The following PARP4 variants were observed in gnomAD, a reference collection of about 807,000 sequenced individuals.
PARP4 encodes the protein poly(ADP-ribose) polymerase family member 4, also known as protein mono-ADP-ribosyltransferase PARP4.
PARP4 carries 120 observed loss-of-function variants against 187.7 expected under a neutral mutation model. That is an observed-to-expected ratio of 0.64 (90% confidence interval 0.55 to 0.74). The LOEUF is 0.74. Ranked by LOEUF, PARP4 falls within the 30% of genes least tolerant of loss-of-function variation. The probability of loss-of-function intolerance (pLI) is 0.00; values close to 1 mark genes in which losing one functional copy is unlikely to be tolerated. For missense variants in PARP4, 1,836 were observed against 2,070.5 expected, an observed-to-expected ratio of 0.89 and a Z score of 2.20; for synonymous variants, 654 against 740.9, an observed-to-expected ratio of 0.88 and a Z score of 1.90.
chr13:24,435,381 G>C lies in PARP4; in HGVS notation c.3760C>G (p.Gln1254Glu). 1 of 1,612,290 alleles carries C rather than the reference G, an allele frequency of 6.2e-7. No individual in the cohort carries two copies. The highest frequency in any genetic ancestry group is 8.5e-7 in the Non-Finnish European group (1 of 1,179,826). Reference protein sequence around the residue: ...PFSKRKMELSQPEVSEDFEED... With the variant: ...PFSKRKMELSEPEVSEDFEED... ...TCAAAATCTTCAGAAACTTCTGGCTGAGATAATTCCATTTTTCTTTTGGAA... is the reference window on the plus strand; with the variant it reads ...TCAAAATCTTCAGAAACTTCTGGCTCAGATAATTCCATTTTTCTTTTGGAA... The change falls in exon 31 of 34, where the codon CAG becomes GAG. Residue 1254 changes from glutamine (Q) to glutamate (E), a missense_variant. Transcript: ENST00000381989.
intron 32 of PARP4, among the ~76,000 whole-genome samples, chr13:24,427,977 G>A (rs6490918): frequency 0.59 from 89,727 of 151,822 alleles, 26,624 homozygotes; most frequent in South Asian, 0.66. Flanking sequence ...ATGTGTATCA[G>A]CGTCATTTAA....
At chr13:24,493,460 A>C in intron 8 of PARP4, 136 bp downstream of exon 8, 1 of 752,130 alleles carries the variant, frequency 1.3e-6, no homozygotes, top group Non-Finnish European at 2.1e-6. Context: ...TTTCTTCAGT[A>C]CCGGTACAAG....
intron 15 of PARP4, among the ~76,000 whole-genome samples, chr13:24,471,390 T>G (rs1444115459): frequency 6.6e-6 from 1 of 152,180 alleles, no homozygotes. Context: ...CATATCACAC[T>G]GTGTGGCTGG....
intron 30 of PARP4, among the ~76,000 whole-genome samples, chr13:24,439,797 G>A (rs2137449455): frequency 6.6e-6 from 1 of 152,154 alleles, no homozygotes; most frequent in African/African-American, 2.4e-5. Flanking sequence ...CCAAAACAAT[G>A]CACTCCAAGG....
chr13:24,506,130 G>A (rs375030946), intron 1 of PARP4, among the ~76,000 whole-genome samples: 3 of 152,262 alleles, frequency 2.0e-5, no homozygotes, highest in African/African-American at 7.2e-5. Context: ...TCTTAAAGGC[G>A]GCGCGTCCGA....
intron 14 of PARP4, among the ~76,000 whole-genome samples, chr13:24,477,329 C>T (rs977024259): frequency 7.9e-5 from 12 of 151,730 alleles, no homozygotes; most frequent in African/African-American, 2.4e-4. Context: ...AAAAAAGTCA[C>T]GGATGGTAGT....
Position 24,434,967 on chromosome 13 carries a change from G to A in PARP4, c.4174C>T (p.Pro1392Ser), listed in dbSNP as rs749317586. Residue 1392 changes from proline (P) to serine (S), a missense_variant, in exon 31 of 34, where the codon CCT becomes TCT. By Grantham distance (74) the Pro-to-Ser change is moderately conservative. Transcript: ENST00000381989. Reference protein sequence around the residue: ...SCPTGPPQNPPSSPYCGIVFS... With the variant: ...SCPTGPPQNPSSSPYCGIVFS... ...ACAATGCCACAATAGGGTGAAGAAG[G>A]TGGGTTCTGGGGAGGTCCTGTGGGA... 3 of 1,613,940 alleles carry A rather than the reference G, an allele frequency of 1.9e-6. No homozygotes were observed. Among genetic ancestry groups the A allele is most frequent in the Non-Finnish European group, 2.5e-6 (3 of 1,179,950 alleles).
chr13:24,506,927 G>A (rs1057166758), intron 1 of PARP4, among the ~76,000 whole-genome samples: 2 of 152,206 alleles, frequency 1.3e-5, no homozygotes, highest in South Asian at 2.1e-4. Flanking sequence ...AGACATGGCG[G>A]GCTGCAGGTC....
intron 16 of PARP4, 82 bp from the exon 17 acceptor site, chr13:24,469,192 TAA>T: frequency 1.0e-6 from 1 of 977,370 alleles, no homozygotes; most frequent in Non-Finnish European, 1.6e-6. Context: ...CAATGTTTAC[TAA>T]AACCCAGGCA....
intron 1 of PARP4, among the ~76,000 whole-genome samples, chr13:24,506,864 C>T (rs1210121516): frequency 2.6e-5 from 4 of 152,224 alleles, no homozygotes; most frequent in East Asian, 1.9e-4. Context: ...GCGCCGGCCG[C>T]GCTCCTGCGG....
chr13:24,441,074 T>C (rs1394597737), intron 30 of PARP4, among the ~76,000 whole-genome samples: 1 of 152,112 alleles, frequency 6.6e-6, no homozygotes, highest in Non-Finnish European at 1.5e-5. Context: ...GGTTTCACCA[T>C]GTTGCCCAGG....
intron 30 of PARP4, among the ~76,000 whole-genome samples, chr13:24,436,620 G>C (rs768684423): frequency 2.6e-5 from 4 of 152,154 alleles, no homozygotes; most frequent in Non-Finnish European, 5.9e-5. Flanking sequence ...AAGCTTTCAA[G>C]TAATTAAATG....
intron 4 of PARP4, among the ~76,000 whole-genome samples, chr13:24,500,038 GT>G (rs35514164): frequency 1.3e-5 from 2 of 148,156 alleles, no homozygotes; most frequent in African/African-American, 5.0e-5. Flanking sequence ...ATGAAAATAG[GT>G]TTTTTTTTAA....
At chr13:24,506,531 T>C (rs1869695329) in intron 1 of PARP4, among the ~76,000 whole-genome samples, 1 of 152,098 alleles carries the variant, frequency 6.6e-6, no homozygotes, top group African/African-American at 2.4e-5. Context: ...TGATTGGTGT[T>C]TACAATCCCT....
chr13:24,472,216 C>T (rs1483062212), intron 15 of PARP4, among the ~76,000 whole-genome samples: 2 of 152,154 alleles, frequency 1.3e-5, no homozygotes, highest in South Asian at 2.1e-4. Flanking sequence ...GTGGAAAACT[C>T]GGCTGAGGGC....
rs1305938493 is a variant in PARP4, at chr13:24,426,770, T to TA, written c.4847-173dup. On this transcript the variant is annotated intron_variant, in intron 32 of 33. Transcript: ENST00000381989. ...ATTAGCCGGGGGTGGCAGGCACCTG[T>TA]AGTCCCAGCTACTCGGGAGGCTGAG... 4.0e-5 allele frequency among the ~76,000 whole-genome samples: 6 copies of TA among 151,248 alleles called. No homozygotes were observed. In the East Asian group the frequency reaches 1.2e-3, roughly 29 times the overall value.
chr13:24,445,572 T>C (rs1288768353), intron 27 of PARP4, among the ~76,000 whole-genome samples: 1 of 152,170 alleles, frequency 6.6e-6, no homozygotes, highest in Non-Finnish European at 1.5e-5. Context: ...ACCCCAACTG[T>C]ATGTTAGACA....
intron 30 of PARP4, among the ~76,000 whole-genome samples, chr13:24,438,325 G>A (rs1325030063): frequency 2.0e-5 from 3 of 152,108 alleles, no homozygotes; most frequent in Non-Finnish European, 4.4e-5. Context: ...ATCTACTGCC[G>A]CTGCTGACGT....
chr13:24,455,105 C>G lies in PARP4; in HGVS notation c.2670G>C (p.Val890=). 1 of 1,613,522 alleles carries G rather than the reference C, an allele frequency of 6.2e-7. No individual in the cohort carries two copies. Among genetic ancestry groups the G allele is most frequent in the South Asian group, 1.1e-5 (1 of 91,036 alleles). The change falls in exon 22 of 34, where the codon GTG becomes GTC. Residue 890 remains valine, a synonymous_variant. Coordinates refer to ENST00000381989, the MANE Select transcript of PARP4 (RefSeq NM_006437.4). ...CLDCSSSMEG[V]TFLQAKQIAL... ...CGATTTGCTTGGCTTGCAAGAATGT[C>G]ACACCCTCCATGGAACTGGAGCAGT...
Sources: allele counts gnomAD v4.1 joint callset (sites outside exome capture counted in the v4.1 genomes callset), GRCh38; gene constraint gnomAD v4.1.1; transcripts MANE v1.5; gene names NCBI Gene and HGNC (gene_info 2026-07-23, HGNC 2026-07-21).